PCDH11X: variants seen among roughly 807,000 people sequenced by gnomAD.
PCDH11X encodes protocadherin-11 X-linked.
PCDH11X carries 18 observed loss-of-function variants against 53.3 expected under a neutral mutation model. The observed-to-expected ratio is 0.34, with a 90% confidence interval of 0.23 to 0.50. PCDH11X has a LOEUF of 0.50. Ranked by LOEUF, PCDH11X falls within the 20% of genes least tolerant of loss-of-function variation. The pLI is 0.98. For missense variants in PCDH11X, 570 were observed against 1,032.4 expected (o/e 0.55, Z 6.14); for synonymous variants, 279 against 393.3 (o/e 0.71, Z 3.44).
At chrX:92,411,956 A>AGGAGGAGGAGG (rs1556412120) in intron 9 of PCDH11X, among the ~76,000 whole-genome samples, 1 of 1,823 alleles carries the variant, frequency 5.5e-4, no homozygotes, top group Admixed American at 9.3e-3. Context: ...GAGGAGTGGG[A>AGGAGGAGGAGG]GGAGGAGGAG....
chrX:92,140,461 T>C (rs2065160299), intron 6 of PCDH11X, among the ~76,000 whole-genome samples: 1 of 111,274 alleles, frequency 9.0e-6, no homozygotes, highest in Admixed American at 9.6e-5. Flanking sequence ...AGTAAAAATA[T>C]GTTTTCCAAA....
chrX:91,871,709 G>T (rs1212417544), intron 5 of PCDH11X, among the ~76,000 whole-genome samples: 2 of 106,256 alleles, frequency 1.9e-5, no homozygotes, highest in East Asian at 3.0e-4. Flanking sequence ...TTTTTTAAAA[G>T]AAAAAAAAAA....
intron 10 of PCDH11X, among the ~76,000 whole-genome samples, chrX:92,590,009 A>C (rs1327545961): frequency 9.1e-6 from 1 of 109,973 alleles, no homozygotes. Flanking sequence ...TTGGCCTTTT[A>C]AGATATATTT....
chrX:92,117,445 A>G lies in PCDH11X; in HGVS notation c.3034-83930A>G, dbSNP rs1260180780. ...CAACAAAACTCTGTCTCAAAAAAAA[A>G]AAAAGTAATACCATATTCACACAAA... On this transcript the variant is annotated intron_variant, in intron 6 of 10. Coordinates refer to ENST00000682573, the MANE Select transcript of PCDH11X (RefSeq NM_032968.5). 3.6e-5 allele frequency among the ~76,000 whole-genome samples: 4 copies of G among 110,016 alleles called. No individual in the cohort carries two copies. The East Asian group carries it at 1.1e-3, about 31-fold the overall frequency.
chrX:92,614,328 A>G (rs1273987473), intron 10 of PCDH11X, among the ~76,000 whole-genome samples: 1 of 110,236 alleles, frequency 9.1e-6, no homozygotes, highest in Non-Finnish European at 1.9e-5. Context: ...GTATAACATT[A>G]TTATTTTTTT....
intron 7 of PCDH11X, among the ~76,000 whole-genome samples, chrX:92,261,585 A>C (rs2067715995): frequency 8.9e-6 from 1 of 111,953 alleles, no homozygotes; most frequent in Non-Finnish European, 1.9e-5. Context: ...ATAAGTGGTG[A>C]AACATCTAAC....
chrX:92,521,614 G>A, intron 10 of PCDH11X, among the ~76,000 whole-genome samples: 1 of 111,948 alleles, frequency 8.9e-6, no homozygotes, highest in Non-Finnish European at 1.9e-5. Context: ...CTACTAACAA[G>A]GGACTCAGCC....
chrX:91,861,840 C>T (rs1305220133), intron 5 of PCDH11X, among the ~76,000 whole-genome samples: 2 of 111,967 alleles, frequency 1.8e-5, no homozygotes, highest in East Asian at 5.6e-4. Context: ...TTGCCCTGTG[C>T]AACTAGCAGA....
At chrX:92,490,962 A>G (rs1000496164) in intron 10 of PCDH11X, among the ~76,000 whole-genome samples, 3 of 107,925 alleles carry the variant, frequency 2.8e-5, no homozygotes, top group African/African-American at 1.0e-4. Flanking sequence ...CCAAATGACT[A>G]TAATTAACTA....
chrX:92,333,406 C>T (rs927391997), intron 8 of PCDH11X, among the ~76,000 whole-genome samples: 2 of 111,131 alleles, frequency 1.8e-5, no homozygotes, highest in Admixed American at 9.6e-5. Context: ...ATTATTCCTA[C>T]CTGTTCGAGG....
intron 6 of PCDH11X, among the ~76,000 whole-genome samples, chrX:91,999,222 T>C (rs2062469268): frequency 8.9e-6 from 1 of 111,819 alleles, no homozygotes; most frequent in South Asian, 3.7e-4. Context: ...GCCTTAATAG[T>C]ATGTTTCTGT....
intron 6 of PCDH11X, among the ~76,000 whole-genome samples, chrX:91,933,915 CAA>C: frequency 9.2e-6 from 1 of 109,219 alleles, no homozygotes; most frequent in South Asian, 3.9e-4. Context: ...AAAAATCACC[CAA>C]AATAGGGTTT....
chrX:91,954,927 T>C (rs1403352232), intron 6 of PCDH11X, among the ~76,000 whole-genome samples: 8 of 108,686 alleles, frequency 7.4e-5, no homozygotes, highest in African/African-American at 2.8e-4. Context: ...GTTGATAGTT[T>C]CTTTTGCTGT....
intron 9 of PCDH11X, among the ~76,000 whole-genome samples, chrX:92,420,919 G>A (rs967133256): frequency 1.7e-4 from 19 of 110,851 alleles, no homozygotes; most frequent in Non-Finnish European, 2.8e-4. Context: ...AGACTTCAAA[G>A]ACATTTATTT....
intron 10 of PCDH11X, among the ~76,000 whole-genome samples, chrX:92,487,702 CATAAT>C (rs2073674981): frequency 9.0e-6 from 1 of 110,929 alleles, no homozygotes; most frequent in Non-Finnish European, 1.9e-5. Flanking sequence ...ATAATTTTAA[CATAAT>C]ATAGTAAGTG....
chrX:91,780,375 T>C (rs1330590131), intron 1 of PCDH11X, among the ~76,000 whole-genome samples: 1 of 112,129 alleles, frequency 8.9e-6, no homozygotes, highest in African/African-American at 3.2e-5. Flanking sequence ...GATGTGGAGA[T>C]GGTAGGTGTG....
At chrX:91,929,579 C>A (rs1279259384) in intron 6 of PCDH11X, among the ~76,000 whole-genome samples, 1 of 110,665 alleles carries the variant, frequency 9.0e-6, no homozygotes, top group Admixed American at 9.7e-5. Flanking sequence ...ATCATGGCCA[C>A]GTTGATTAGC....
intron 8 of PCDH11X, 122 bp from the exon 9 acceptor site, chrX:92,387,613 A>G (rs990656406): frequency 3.1e-5 from 34 of 1,105,340 alleles, no homozygotes; most frequent in Non-Finnish European, 4.0e-5. Context: ...AATTGTTCAC[A>G]ACTCAAGATA....
intron 7 of PCDH11X, among the ~76,000 whole-genome samples, chrX:92,256,974 A>G (rs181095132): frequency 9.0e-6 from 1 of 111,488 alleles, no homozygotes; most frequent in African/African-American, 3.3e-5. Flanking sequence ...TTGCAATGCT[A>G]TAAAGAAATT....
Sources: gnomAD v4.1 joint callset for allele counts (sites outside exome capture counted in the v4.1 genomes callset) on GRCh38, gnomAD v4.1.1 for gene constraint, MANE v1.5 for transcripts, NCBI Gene and HGNC (gene_info 2026-07-23, HGNC 2026-07-21) for gene names.